LHFPL3: variants seen among roughly 807,000 people sequenced by gnomAD.
LHFPL3 encodes LHFPL tetraspan subfamily member 3, also known as LHFPL tetraspan subfamily member 3 protein.
Under a neutral mutation model 19.3 loss-of-function variants are expected in LHFPL3, and 5 were observed. The observed-to-expected ratio is 0.26, with a 90% CI of 0.14 to 0.54. The LOEUF is 0.54. LHFPL3 is among the 20% of genes least tolerant of loss of function. LHFPL3 has a pLI of 0.94. For missense variants in LHFPL3, 249 were observed against 307.4 expected (o/e 0.81, Z 1.42); for synonymous variants, 133 against 126.2 (o/e 1.05, Z -0.36).
rs919177375 is a variant in LHFPL3, at chr7:104,787,664, C to A, written c.682+50753C>A. On this transcript the variant is annotated intron_variant, in intron 2 of 2. Coordinates refer to ENST00000424859, the MANE Select transcript of LHFPL3 (RefSeq NM_199000.3). Reference sequence around the variant, plus strand: ...CTCTTGGGCTCAAGCAATCTTCCCACCTCAGTCTCCTGAGTAGCTGGGAGT... The same window carrying A: ...CTCTTGGGCTCAAGCAATCTTCCCAACTCAGTCTCCTGAGTAGCTGGGAGT... 3.4e-4 allele frequency among the ~76,000 whole-genome samples: 51 copies of A among 152,178 alleles called. 1 individual carries two copies. Among genetic ancestry groups the A allele is most frequent in the Admixed American group, 6.5e-5 (1 of 15,276 alleles).
At chr7:104,719,773 A>G (rs1442780414) in intron 1 of LHFPL3, among the ~76,000 whole-genome samples, 1 of 152,186 alleles carries the variant, frequency 6.6e-6, no homozygotes, top group African/African-American at 2.4e-5. Context: ...GTTACTGTTC[A>G]TATGTAGAGG....
At chr7:104,455,679 C>T (rs377066788) in intron 1 of LHFPL3, among the ~76,000 whole-genome samples, 1 of 152,200 alleles carries the variant, frequency 6.6e-6, no homozygotes, top group Non-Finnish European at 1.5e-5. Context: ...CAAGATCATG[C>T]CACTGTACTC....
intron 1 of LHFPL3, among the ~76,000 whole-genome samples, chr7:104,725,815 G>A (rs1170094715): frequency 3.3e-5 from 5 of 152,064 alleles, no homozygotes; most frequent in Non-Finnish European, 7.4e-5. Context: ...ACTTTGGGAG[G>A]CCAAAAATGG....
intron 2 of LHFPL3, among the ~76,000 whole-genome samples, chr7:104,842,246 G>GCCT: frequency 7.9e-6 from 1 of 127,218 alleles, no homozygotes; most frequent in Non-Finnish European, 1.6e-5. Context: ...TACTCTCAAA[G>GCCT]TTACTCAGGC....
At chr7:104,496,265 C>T (rs41018) in intron 1 of LHFPL3, among the ~76,000 whole-genome samples, 21,854 of 152,068 alleles carry the variant, frequency 0.14, 3,165 homozygotes, top group African/African-American at 0.37. Context: ...TGATGTTTTC[C>T]AGCTTCATCC....
chr7:104,687,965 T>A (rs1215450066), intron 1 of LHFPL3, among the ~76,000 whole-genome samples: 1 of 152,216 alleles, frequency 6.6e-6, no homozygotes, highest in Non-Finnish European at 1.5e-5. Flanking sequence ...AAGTTCCTAA[T>A]GACCATGCAT....
chr7:104,663,144 G>A (rs1335531026), intron 1 of LHFPL3, among the ~76,000 whole-genome samples: 1 of 152,126 alleles, frequency 6.6e-6, no homozygotes, highest in East Asian at 1.9e-4. Context: ...AAGTTTTCTA[G>A]TTCCTCCTTT....
Position 104,377,951 on chromosome 7 carries a change from T to G in LHFPL3, c.445+48727T>G, listed in dbSNP as rs533528378. On this transcript the variant is annotated intron_variant, in intron 1 of 2. Transcript: ENST00000424859. ...CGTGAAAATAAAATGGATGCAGCAC[T>G]GCACTAGAATTTTGAACTCTTCCAA... Among the ~76,000 whole-genome samples, 12 of 152,350 alleles carry G rather than the reference T, an allele frequency of 7.9e-5. 1 individual carries two copies. Among genetic ancestry groups the G allele is most frequent in the African/African-American group, 2.4e-4 (10 of 41,588 alleles).
chr7:104,564,136 C>T (rs1276269053), intron 1 of LHFPL3, among the ~76,000 whole-genome samples: 3 of 152,130 alleles, frequency 2.0e-5, no homozygotes, highest in Non-Finnish European at 4.4e-5. Flanking sequence ...GACCCAGTAA[C>T]CCATCCTAGG....
chr7:104,396,030 G>A (rs1343461080), intron 1 of LHFPL3, among the ~76,000 whole-genome samples: 1 of 152,160 alleles, frequency 6.6e-6, no homozygotes, highest in Non-Finnish European at 1.5e-5. Context: ...AGGACGCTTT[G>A]GAAGATCACC....
At chr7:104,587,067 T>C (rs1403368402) in intron 1 of LHFPL3, among the ~76,000 whole-genome samples, 1 of 152,104 alleles carries the variant, frequency 6.6e-6, no homozygotes, top group East Asian at 1.9e-4. Flanking sequence ...AAACGCTCAT[T>C]GAGTTATTCA....
chr7:104,737,656 A>G (rs981070914), intron 2 of LHFPL3, among the ~76,000 whole-genome samples: 8 of 152,144 alleles, frequency 5.3e-5, no homozygotes, highest in African/African-American at 7.2e-5. Context: ...TTCTAAACCA[A>G]TTTTTTGGGA....
intron 1 of LHFPL3, among the ~76,000 whole-genome samples, chr7:104,523,021 TA>T: frequency 6.6e-6 from 1 of 152,058 alleles, no homozygotes; most frequent in African/African-American, 2.4e-5. Flanking sequence ...TATGCACATA[TA>T]TACATATACA....
intron 1 of LHFPL3, among the ~76,000 whole-genome samples, chr7:104,503,240 G>T (rs970013811): frequency 1.3e-5 from 2 of 152,046 alleles, no homozygotes; most frequent in Non-Finnish European, 2.9e-5. Flanking sequence ...TATAAAGCAG[G>T]TTAAAAAGCA....
chr7:104,350,042 G>A (rs73714807), intron 1 of LHFPL3, among the ~76,000 whole-genome samples: 8,526 of 152,084 alleles, frequency 0.056, 412 homozygotes, highest in African/African-American at 0.13. Flanking sequence ...AATATGAGGT[G>A]TATTATTATT....
At chr7:104,456,398 T>A (rs1792541726) in intron 1 of LHFPL3, among the ~76,000 whole-genome samples, 7 of 152,180 alleles carry the variant, frequency 4.6e-5, no homozygotes, top group Admixed American at 3.9e-4. Context: ...ATTACATAAG[T>A]GAGACTAGTC....
At chr7:104,446,141 T>C (rs1792326375) in intron 1 of LHFPL3, among the ~76,000 whole-genome samples, 1 of 152,112 alleles carries the variant, frequency 6.6e-6, no homozygotes, top group Non-Finnish European at 1.5e-5. Flanking sequence ...ATCCCAAAAA[T>C]GAAAAAGAAA....
At chr7:104,407,993 G>T (rs1014021237) in intron 1 of LHFPL3, among the ~76,000 whole-genome samples, 1 of 152,098 alleles carries the variant, frequency 6.6e-6, no homozygotes, top group African/African-American at 2.4e-5. Context: ...CTTTAGAACT[G>T]CAATTAGACT....
chr7:104,590,108 C>T (rs1030796493), intron 1 of LHFPL3, among the ~76,000 whole-genome samples: 3 of 152,060 alleles, frequency 2.0e-5, no homozygotes, highest in East Asian at 1.9e-4. Flanking sequence ...GTGTCTCTAT[C>T]TCCTTCAGTT....
Sources: allele counts gnomAD v4.1 joint callset (sites outside exome capture counted in the v4.1 genomes callset), GRCh38; gene constraint gnomAD v4.1.1; transcripts MANE v1.5; gene names NCBI Gene and HGNC (gene_info 2026-07-23, HGNC 2026-07-21).